The following TUBGCP4 variants were observed in gnomAD, a reference collection of about 807,000 sequenced individuals.
The protein encoded by TUBGCP4 is gamma-tubulin complex component 4.
TUBGCP4 carries 54 observed loss-of-function variants against 91.6 expected under a neutral mutation model. The ratio of observed to expected loss-of-function variants is 0.59; its 90% CI spans 0.47 to 0.74. The LOEUF (loss-of-function observed/expected upper bound fraction) is 0.74, where lower values mean the gene tolerates loss of function less well. Ranked by LOEUF, TUBGCP4 falls within the 30% of genes least tolerant of loss-of-function variation. TUBGCP4 has a pLI of 0.00. For missense variants in TUBGCP4, 593 were observed against 800.9 expected, an observed-to-expected ratio of 0.74 and a Z score of 3.13; for synonymous variants, 297 against 302.8, an observed-to-expected ratio of 0.98 and a Z score of 0.20.
At chr15:43,404,621 G>C in intron 17 of TUBGCP4, 69 bp downstream of exon 17, 17 of 1,528,908 alleles carry the variant, frequency 1.1e-5, no homozygotes, top group South Asian at 2.4e-5. Context: ...TAGAATTCTA[G>C]AACTGGAAGA....
Position 43,409,017 on chromosome 15 carries a change from C to T in TUBGCP4, c.*3803C>T. 1 of 1,614,140 alleles carries T rather than the reference C, an allele frequency of 6.2e-7. No individual in the cohort carries two copies. The highest frequency in any genetic ancestry group is 8.5e-7 in the Non-Finnish European group (1 of 1,180,020). The stretch of plus-strand genomic sequence containing the variant: ...CCAGACATGAGACACACAAGGAATC[C>T]CACTGGCAAGGCACAGGAAGTACTT... On this transcript the variant is annotated 3_prime_UTR_variant, in exon 18 of 18. Coordinates refer to ENST00000564079, the MANE Select transcript of TUBGCP4 (RefSeq NM_014444.5).
intron 9 of TUBGCP4, chr15:43,394,380 G>A (rs1187656944): frequency 3.3e-5 from 5 of 151,930 alleles, no homozygotes; most frequent in Non-Finnish European, 7.4e-5. Flanking sequence ...ACCACGCCTG[G>A]GCTATTTTCT....
chr15:43,395,738 A>G, intron 11 of TUBGCP4, 50 bp downstream of exon 11: 2 of 1,491,960 alleles, frequency 1.3e-6, no homozygotes, highest in Non-Finnish European at 1.9e-6. Flanking sequence ...ATTGCAGGGT[A>G]TTTCTTGGCT....
Position 43,398,016 on chromosome 15 carries a change from TTTTTC to T in TUBGCP4, c.1280-15_1280-11del, listed in dbSNP as rs779737893. On this transcript the variant is annotated intron_variant, in intron 12 of 17. Coordinates refer to ENST00000564079, the MANE Select transcript of TUBGCP4 (RefSeq NM_014444.5). ...ATTAACCAAGTTGTTATCTTTTCTT[TTTTTC>T]TTTTCTTTTATCACAGCAGATGCTA... is the stretch of plus-strand genomic sequence containing the variant. 8 of 1,590,006 alleles carry T rather than the reference TTTTTC, an allele frequency of 5.0e-6. No homozygotes were observed. Among genetic ancestry groups the T allele is most frequent in the South Asian group, 1.1e-5 (1 of 88,384 alleles).
At chr15:43,376,752 C>G (rs534654137) in intron 3 of TUBGCP4, 127 bp downstream of exon 3, 1 of 1,345,530 alleles carries the variant, frequency 7.4e-7, no homozygotes, top group Non-Finnish European at 1.0e-6. Flanking sequence ...CTGGAAGGTA[C>G]AGTGTTCTCT....
rs1187737729 is a variant in TUBGCP4 at position 43,409,369 on chromosome 15, G to C, written c.*4155G>C. 5.3e-6 allele frequency: 3 copies of C among 570,288 alleles called. No homozygotes were observed. Among genetic ancestry groups the C allele is most frequent in the Non-Finnish European group, 6.2e-6 (2 of 320,542 alleles). 35.3% of individuals were successfully genotyped at this position (570,288 alleles called of 1,614,324 possible). ...ACTCAGCCTTTCAGGCTAAAAATCAGCAACCCTAATAGGGGTTTCTACTAC... is the reference window on the plus strand; with the variant it reads ...ACTCAGCCTTTCAGGCTAAAAATCACCAACCCTAATAGGGGTTTCTACTAC... On this transcript the variant is annotated 3_prime_UTR_variant, in exon 18 of 18. Coordinates refer to ENST00000564079, the MANE Select transcript of TUBGCP4 (RefSeq NM_014444.5).
At chr15:43,385,233 T>A in intron 7 of TUBGCP4, 1 of 388,622 alleles carries the variant, frequency 2.6e-6, no homozygotes, top group African/African-American at 2.1e-5. Flanking sequence ...AGGTTTTTAA[T>A]CTGGGGCCCT....
chr15:43,380,157 T>G lies in TUBGCP4; in HGVS notation c.515T>G (p.Leu172Arg). 3 of 1,613,776 alleles carry G rather than the reference T, an allele frequency of 1.9e-6. No homozygotes were observed. The highest frequency in any genetic ancestry group is 1.7e-6 in the Non-Finnish European group (2 of 1,179,696). Residue 172 changes from leucine to arginine, a missense_variant, in exon 6 of 18, where the codon CTG becomes CGG. Leu to Arg is a moderately radical substitution (Grantham distance 102). Transcript: ENST00000564079. ...CGGLPPVRSA[L>R]EKILAVCHGV... ...GGGTTGCCTCCTGTTCGAAGTGCACTGGAAAAGTAAGTCATGGCTTAACTG... is the reference window on the plus strand; with the variant it reads ...GGGTTGCCTCCTGTTCGAAGTGCACGGGAAAAGTAAGTCATGGCTTAACTG...
rs542775386 is a variant in TUBGCP4, at chr15:43,386,345, G to GTATATA, written c.1014+43_1014+48dup. 8.2e-5 allele frequency: 26 copies of GTATATA among 317,696 alleles called. No individual in the cohort carries two copies. Among genetic ancestry groups the GTATATA allele is most frequent in the Middle Eastern group, 1.1e-3 (1 of 906 alleles). The allele number at this position is 317,696 out of a possible 1,614,324, so 19.7% of individuals were successfully genotyped here. On this transcript the variant is annotated intron_variant, in intron 9 of 17. Transcript: ENST00000564079. ...CTGTGGCTGAGGTTTGTGTTTCATC[G>GTATATA]TATATATATATATATATATATATAT...
At chr15:43,374,937 C>G (rs1436200989) in intron 1 of TUBGCP4, among the ~76,000 whole-genome samples, 1 of 152,208 alleles carries the variant, frequency 6.6e-6, no homozygotes, top group Non-Finnish European at 1.5e-5. Flanking sequence ...GAGTCTCGCT[C>G]TGTTGCCCAG....
chr15:43,394,962 T>C lies in TUBGCP4; in HGVS notation c.1015-145T>C, dbSNP rs969458054. On this transcript the variant is annotated intron_variant, in intron 9 of 17. Transcript: ENST00000564079. ...TTACAGCAGTGTGAGAATGGAATAA[T>C]ACATTGATTGTTTTGAGTAAATTTT... The C allele has an allele frequency of 5.0e-6, 4 of 803,642 alleles. No homozygotes were observed. In the African/African-American group the frequency reaches 5.1e-5, roughly 10 times the overall value. The allele number at this position is 803,642 out of a possible 1,614,324, so 49.8% of individuals were successfully genotyped here.
At chr15:43,403,179 TATA>T (rs922994313) in intron 15 of TUBGCP4, 7 of 151,144 alleles carry the variant, frequency 4.6e-5, no homozygotes, top group African/African-American at 1.7e-4. Flanking sequence ...AAACAAGACA[TATA>T]TATATATATA....
intron 11 of TUBGCP4, among the ~76,000 whole-genome samples, chr15:43,396,584 A>G (rs1414399002): frequency 1.3e-5 from 2 of 152,232 alleles, no homozygotes; most frequent in African/African-American, 4.8e-5. Flanking sequence ...ATCCAATTCA[A>G]ACTCACTTAA....
intron 17 of TUBGCP4, chr15:43,404,775 G>T: frequency 1.8e-6 from 1 of 564,360 alleles, no homozygotes; most frequent in Non-Finnish European, 3.1e-6. Flanking sequence ...TGAGATAGGT[G>T]TTAAGTCCTT....
intron 9 of TUBGCP4, among the ~76,000 whole-genome samples, chr15:43,390,329 A>T (rs2044445309): frequency 6.6e-6 from 1 of 152,138 alleles, no homozygotes; most frequent in African/African-American, 2.4e-5. Context: ...TTTAAAACCT[A>T]TTGACATAAA....
In TUBGCP4 at chr15:43,406,709, T is replaced by TAATA. The variant is rs2044903197; in HGVS notation, c.*1497_*1500dup. The TAATA allele has an allele frequency of 7.0e-6, 3 of 430,664 alleles. No individual in the cohort carries two copies. The highest frequency in any genetic ancestry group is 3.4e-5 in the South Asian group (2 of 59,358). The allele number at this position is 430,664 out of a possible 1,614,324, so 26.7% of individuals were successfully genotyped here. On this transcript the variant is annotated 3_prime_UTR_variant, in exon 18 of 18. Transcript: ENST00000564079. ...CCAGCTATTGTGACAATAATAATAA[T>TAATA]AATAATATTGGGTCTTTGACTAGAA... is the stretch of plus-strand genomic sequence containing the variant.
rs2044110956 is a variant in TUBGCP4, at chr15:43,371,149, G to C, written c.-206G>C. ...AGTAGCTGGTGGACCCCGTTGAGCT[G>C]CCGAACTTCCGGGACTCCCCCGCGA... On this transcript the variant is annotated 5_prime_UTR_variant, in exon 1 of 18. Transcript: ENST00000564079. 1.6e-6 allele frequency: 1 copy of C among 615,310 alleles called. No individual in the cohort carries two copies. The highest frequency in any genetic ancestry group is 1.9e-5 in the African/African-American group (1 of 54,046). 38.1% of individuals were successfully genotyped at this position (615,310 alleles called of 1,614,324 possible). A position where few individuals can be genotyped will look rare whatever the true frequency, so the allele number is the denominator to read the frequency against.
rs756337514 is a variant in TUBGCP4 at position 43,409,631 on chromosome 15, C to T, written c.*4417C>T. On this transcript the variant is annotated 3_prime_UTR_variant, in exon 18 of 18. Coordinates refer to ENST00000564079, the MANE Select transcript of TUBGCP4 (RefSeq NM_014444.5). The stretch of plus-strand genomic sequence containing the variant: ...ATCATTGCCACTATATTAGGTTACA[C>T]AAAGAAACTCCTCACCTGGGCTTCA... 1.4e-6 allele frequency: 2 copies of T among 1,459,672 alleles called. No individual in the cohort carries two copies. Among genetic ancestry groups the T allele is most frequent in the Non-Finnish European group, 1.9e-6 (2 of 1,079,562 alleles). 90.4% of individuals were successfully genotyped at this position (1,459,672 alleles called of 1,614,324 possible).
Position 43,405,358 on chromosome 15 carries a change from G to T in TUBGCP4, c.*144G>T. 2.3e-6 allele frequency: 2 copies of T among 877,206 alleles called. No individual in the cohort carries two copies. Among genetic ancestry groups the T allele is most frequent in the Non-Finnish European group, 3.6e-6 (2 of 552,076 alleles). The allele number at this position is 877,206 out of a possible 1,614,324, so 54.3% of individuals were successfully genotyped here. A position where few individuals can be genotyped will look rare whatever the true frequency, so the allele number is the denominator to read the frequency against. On this transcript the variant is annotated 3_prime_UTR_variant, in exon 18 of 18. Transcript: ENST00000564079. ...ACCTTTTCTCCTAGAAGCAGTTACT[G>T]AACATCCAGGAGTACAACTCCTTCC...
Sources: allele counts gnomAD v4.1 joint callset (sites outside exome capture counted in the v4.1 genomes callset), GRCh38; gene constraint gnomAD v4.1.1; transcripts MANE v1.5; gene names NCBI Gene and HGNC (gene_info 2026-07-23, HGNC 2026-07-21).